ASTN2: variants seen among roughly 807,000 people sequenced by gnomAD.
ASTN2 encodes astrotactin 2.
In ASTN2, 54 loss-of-function variants were observed where a neutral mutation model predicts 139.8. The ratio of observed to expected loss-of-function variants is 0.39; its 90% CI spans 0.31 to 0.48. The LOEUF (loss-of-function observed/expected upper bound fraction) is 0.48, where lower values mean the gene tolerates loss of function less well. Ranked by LOEUF, ASTN2 falls within the 20% of genes least tolerant of loss-of-function variation. The pLI, the probability that ASTN2 is intolerant of heterozygous loss-of-function variation, is 0.95. For missense variants in ASTN2, 1,565 were observed against 1,725.1 expected, an observed-to-expected ratio of 0.91 and a Z score of 1.64; for synonymous variants, 756 against 719.5, an observed-to-expected ratio of 1.05 and a Z score of -0.81.
chr9:117,337,472 T>C (rs759261129), intron 1 of ASTN2, among the ~76,000 whole-genome samples: 3 of 152,198 alleles, frequency 2.0e-5, no homozygotes, highest in African/African-American at 4.8e-5. Context: ...ATGCCTGGCA[T>C]TGGACTGGGT....
intron 3 of ASTN2, among the ~76,000 whole-genome samples, chr9:117,165,189 C>T (rs1830642550): frequency 6.6e-6 from 1 of 152,100 alleles, no homozygotes; most frequent in Non-Finnish European, 1.5e-5. Flanking sequence ...CCCTCTCCCG[C>T]CATTTGCATT....
chr9:116,687,653 C>T (rs1156271648), intron 16 of ASTN2, among the ~76,000 whole-genome samples: 1 of 150,628 alleles, frequency 6.6e-6, no homozygotes, highest in Non-Finnish European at 1.5e-5. Flanking sequence ...TGCAGCATCT[C>T]GGGAGGTATG....
chr9:116,796,874 C>T (rs988805287), intron 13 of ASTN2, among the ~76,000 whole-genome samples: 6 of 152,046 alleles, frequency 3.9e-5, no homozygotes, highest in Middle Eastern at 3.2e-3. Context: ...TGCAGTGGTG[C>T]CATCATGGCT....
chr9:117,016,748 G>T (rs1384756056), intron 6 of ASTN2, among the ~76,000 whole-genome samples: 62 of 25,780 alleles, frequency 2.4e-3, no homozygotes, highest in Admixed American at 5.5e-3. Context: ...GTTATATATA[G>T]GTTTTATATA....
chr9:116,513,013 A>G (rs1850469542), intron 19 of ASTN2, among the ~76,000 whole-genome samples: 1 of 152,148 alleles, frequency 6.6e-6, no homozygotes, highest in Non-Finnish European at 1.5e-5. Flanking sequence ...TAAGGTTAAT[A>G]TTGTTATGTG....
At chr9:116,940,898 A>G (rs1835207773) in intron 10 of ASTN2, among the ~76,000 whole-genome samples, 1 of 152,110 alleles carries the variant, frequency 6.6e-6, no homozygotes, top group African/African-American at 2.4e-5. Flanking sequence ...TAAAATTTCT[A>G]CTGTCCCTGT....
At chr9:116,531,953 A>C (rs1018940751) in intron 19 of ASTN2, among the ~76,000 whole-genome samples, 2 of 152,178 alleles carry the variant, frequency 1.3e-5, no homozygotes, top group Non-Finnish European at 2.9e-5. Flanking sequence ...TGTCTTCCAC[A>C]ATGGTTCAAC....
intron 19 of ASTN2, among the ~76,000 whole-genome samples, chr9:116,593,914 G>T (rs779003541): frequency 1.5e-3 from 231 of 152,094 alleles, no homozygotes; most frequent in Non-Finnish European, 2.2e-3. Flanking sequence ...CACATCCTTA[G>T]CCTCTGATTT....
chr9:116,979,196 G>C (rs1266701931), intron 7 of ASTN2, among the ~76,000 whole-genome samples: 1 of 152,138 alleles, frequency 6.6e-6, no homozygotes, highest in Non-Finnish European at 1.5e-5. Context: ...GAACAAAAAT[G>C]GTAGTAAGAC....
intron 5 of ASTN2, among the ~76,000 whole-genome samples, chr9:117,083,580 G>T (rs554129739): frequency 6.6e-6 from 1 of 152,144 alleles, no homozygotes; most frequent in East Asian, 1.9e-4. Flanking sequence ...AACACTGGCC[G>T]TCTCACAGCG....
chr9:117,122,120 T>G (rs1829574051), intron 4 of ASTN2, among the ~76,000 whole-genome samples: 1 of 150,280 alleles, frequency 6.7e-6, no homozygotes, highest in South Asian at 2.1e-4. Flanking sequence ...GTAGATCTCC[T>G]GCTCTCAGAG....
chr9:117,041,336 A>C (rs7855152), intron 5 of ASTN2, among the ~76,000 whole-genome samples: 75,011 of 151,744 alleles, frequency 0.49, 18,908 homozygotes, highest in Admixed American at 0.54. Context: ...ATCCAATTAG[A>C]ATGTCAAATA....
At chr9:117,352,468 G>A (rs1829419209) in intron 1 of ASTN2, among the ~76,000 whole-genome samples, 1 of 152,128 alleles carries the variant, frequency 6.6e-6, no homozygotes, top group African/African-American at 2.4e-5. Context: ...AATCAGAGCT[G>A]AGCTAATGAG....
intron 16 of ASTN2, among the ~76,000 whole-genome samples, chr9:116,683,312 T>C (rs1860002623): frequency 6.6e-6 from 1 of 152,136 alleles, no homozygotes; most frequent in South Asian, 2.1e-4. Context: ...TAGTATGTGT[T>C]CCAGAAATTA....
intron 6 of ASTN2, among the ~76,000 whole-genome samples, chr9:117,013,494 T>A (rs1321662662): frequency 1.2e-4 from 18 of 145,206 alleles, no homozygotes; most frequent in East Asian, 4.0e-4. Flanking sequence ...ATATTTTTTT[T>A]TTTCTCCCAC....
intron 19 of ASTN2, among the ~76,000 whole-genome samples, chr9:116,497,687 A>T (rs1009898727): frequency 3.6e-4 from 55 of 152,058 alleles, no homozygotes; most frequent in African/African-American, 1.1e-3. Context: ...TATTGCTAAC[A>T]TGTGTGGGGA....
intron 15 of ASTN2, among the ~76,000 whole-genome samples, chr9:116,727,195 A>C (rs1828652209): frequency 6.6e-6 from 1 of 151,852 alleles, no homozygotes; most frequent in East Asian, 1.9e-4. Context: ...CACCACCTTA[A>C]AGTCGGAAGC....
chr9:116,542,661 A>G (rs1369355021), intron 19 of ASTN2, among the ~76,000 whole-genome samples: 1 of 152,118 alleles, frequency 6.6e-6, no homozygotes, highest in Admixed American at 6.5e-5. Context: ...GGTGGCTCAT[A>G]CCTGTAATCC....
intron 16 of ASTN2, among the ~76,000 whole-genome samples, chr9:116,683,930 T>C (rs1860043621): frequency 6.6e-6 from 1 of 152,204 alleles, no homozygotes; most frequent in African/African-American, 2.4e-5. Flanking sequence ...AAAATTAATG[T>C]ATAGAGCCAA....
Sources: allele counts gnomAD v4.1 joint callset (sites outside exome capture counted in the v4.1 genomes callset), GRCh38; gene constraint gnomAD v4.1.1; transcripts MANE v1.5; gene names NCBI Gene and HGNC (gene_info 2026-07-23, HGNC 2026-07-21).